Variants in KCTD5 observed in about 807,000 individuals in gnomAD.
KCTD5 encodes the protein BTB/POZ domain-containing protein KCTD5.
A neutral mutation model predicts 27.9 loss-of-function variants in KCTD5; 12 were observed. The ratio of observed to expected loss-of-function variants is 0.43; its 90% CI spans 0.28 to 0.70. KCTD5 has a LOEUF of 0.70. KCTD5 is among the 30% of genes least tolerant of loss of function. KCTD5 has a pLI of 0.19. For synonymous variants in KCTD5, 147 were observed against 121.4 expected, an observed-to-expected ratio of 1.21 and a Z score of -1.39; for missense variants, 226 against 274.8, an observed-to-expected ratio of 0.82 and a Z score of 1.26.
In KCTD5 at chr16:2,708,129, AGCTGGCGTCTGTC is replaced by A; in HGVS notation, c.*803_*815del. ...CCCCTCCCACTGCGGGCTCACGGGGAGCTGGCGTCTGTCAGTGCCTTGTCACGCCTGGCATAGA... is the reference window on the plus strand; with the variant it reads ...CCCCTCCCACTGCGGGCTCACGGGGAAGTGCCTTGTCACGCCTGGCATAGA... On this transcript the variant is annotated 3_prime_UTR_variant, in exon 6 of 6. Transcript: ENST00000301738. 2.0e-5 allele frequency: 3 copies of A among 152,438 alleles called. No individual in the cohort carries two copies. Among genetic ancestry groups the A allele is most frequent in the Non-Finnish European group, 4.4e-5 (3 of 68,064 alleles). 9.4% of individuals were successfully genotyped at this position (152,438 alleles called of 1,614,324 possible).
At chr16:2,697,228 G>A (rs1179131636) in intron 2 of KCTD5, 11 of 152,538 alleles carry the variant, frequency 7.2e-5, no homozygotes, top group Admixed American at 4.6e-4. Context: ...TTCCTCTGGG[G>A]TCCTGGAGGA....
chr16:2,690,197 T>G (rs1247545349), intron 1 of KCTD5, among the ~76,000 whole-genome samples: 1 of 152,238 alleles, frequency 6.6e-6, no homozygotes, highest in Non-Finnish European at 1.5e-5. Flanking sequence ...CCTGTGGACC[T>G]GGGGAGTGGG....
At chr16:2,689,553 A>G (rs1210119340) in intron 1 of KCTD5, among the ~76,000 whole-genome samples, 1 of 143,940 alleles carries the variant, frequency 6.9e-6, no homozygotes, top group Non-Finnish European at 1.5e-5. Flanking sequence ...TGAGAGCCGC[A>G]GGGCCGACCC....
rs191131200 is a variant in KCTD5, at chr16:2,682,983, G to T, written c.252+183G>T. ...GCCCCGATCCCCTACCCTGGGAGGG[G>T]AGGGTGAGGATGGCGCCCTGGCGTC... On this transcript the variant is annotated intron_variant, in intron 1 of 5. Transcript: ENST00000301738. 5.1e-4 allele frequency: 339 copies of T among 662,342 alleles called. 3 individuals carry two copies. The African/African-American group carries it at 5.6e-3, about 11-fold the overall frequency. The allele number at this position is 662,342 out of a possible 1,614,324, so 41.0% of individuals were successfully genotyped here.
At chr16:2,705,122 T>C (rs2067629813) in intron 5 of KCTD5, among the ~76,000 whole-genome samples, 1 of 151,984 alleles carries the variant, frequency 6.6e-6, no homozygotes, top group African/African-American at 2.4e-5. Context: ...CACTGCGCGC[T>C]GCACGCCGCC....
chr16:2,686,992 A>G (rs1008650799), intron 1 of KCTD5, among the ~76,000 whole-genome samples: 3 of 152,172 alleles, frequency 2.0e-5, no homozygotes, highest in Non-Finnish European at 4.4e-5. Flanking sequence ...TTCACGCTTC[A>G]GTTGAGGATG....
At chr16:2,703,341 G>C (rs959923547) in intron 5 of KCTD5, among the ~76,000 whole-genome samples, 73 of 152,264 alleles carry the variant, frequency 4.8e-4, no homozygotes, top group African/African-American at 1.7e-3. Context: ...GCTGGGGTCT[G>C]CGTGGGTCTG....
At chr16:2,692,361 G>C (rs1408494279) in intron 1 of KCTD5, among the ~76,000 whole-genome samples, 1 of 152,234 alleles carries the variant, frequency 6.6e-6, no homozygotes, top group East Asian at 1.9e-4. Context: ...GTGCAGAGGA[G>C]ACTGTGGGGG....
chr16:2,682,608 G>A lies in KCTD5; in HGVS notation c.60G>A (p.Leu20=), dbSNP rs1218642129. 2.0e-6 allele frequency: 3 copies of A among 1,520,036 alleles called. No individual in the cohort carries two copies. Among genetic ancestry groups the A allele is most frequent in the African/African-American group, 1.4e-5 (1 of 69,132 alleles). The allele number at this position is 1,520,036 out of a possible 1,614,324, so 94.2% of individuals were successfully genotyped here. Residue 20 remains leucine (L), a synonymous_variant, in exon 1 of 6, where the codon CTG becomes CTA. Coordinates refer to ENST00000301738, the MANE Select transcript of KCTD5 (RefSeq NM_018992.4). ...SPARGGIGAG[L]GGGLCRRCSA... ...CCCGGGGCGGCATCGGGGCGGGGCT[G>A]GGGGGCGGCCTGTGCCGCCGCTGCA...
At chr16:2,685,048 A>G (rs146608871) in intron 1 of KCTD5, among the ~76,000 whole-genome samples, 2 of 152,382 alleles carry the variant, frequency 1.3e-5, no homozygotes, top group East Asian at 3.9e-4. Flanking sequence ...CATCCATTTA[A>G]CCAGGTTTGA....
At chr16:2,682,949 C>A in intron 1 of KCTD5, 149 bp downstream of exon 1, 2 of 971,642 alleles carry the variant, frequency 2.1e-6, no homozygotes, top group Non-Finnish European at 2.8e-6. Flanking sequence ...GCCAGCTCCT[C>A]CCCAGCTTGC....
At position 2,707,514 on chromosome 16, in the gene KCTD5, C is replaced by T. The variant is rs1014727755; in HGVS notation, c.*187C>T. 12 of 714,768 alleles carry T rather than the reference C, an allele frequency of 1.7e-5. No individual in the cohort carries two copies. Among genetic ancestry groups the T allele is most frequent in the African/African-American group, 5.3e-5 (3 of 57,058 alleles). The allele number at this position is 714,768 out of a possible 1,614,324, so 44.3% of individuals were successfully genotyped here. ...ACGGGCCCAGCTGTCCAAGGCCAGA[C>T]GTCCCCAAGTTGGGGGAGCACGGCG... On this transcript the variant is annotated 3_prime_UTR_variant, in exon 6 of 6. Coordinates refer to ENST00000301738, the MANE Select transcript of KCTD5 (RefSeq NM_018992.4).
At position 2,707,958 on chromosome 16, in the gene KCTD5, T is replaced by G. The variant is rs115398997; in HGVS notation, c.*631T>G. The G allele has an allele frequency of 2.1e-3, 336 of 156,626 alleles. 1 individual carries two copies. Among genetic ancestry groups the G allele is most frequent in the African/African-American group, 7.7e-3 (320 of 41,674 alleles). 9.7% of individuals were successfully genotyped at this position (156,626 alleles called of 1,614,324 possible). On this transcript the variant is annotated 3_prime_UTR_variant, in exon 6 of 6. Coordinates refer to ENST00000301738, the MANE Select transcript of KCTD5 (RefSeq NM_018992.4). ...GCCCGGGACAGTCAAGGCTTCTCAATTTGTATTTTCCAGGCAAGAGAACTT... is the reference window on the plus strand; with the variant it reads ...GCCCGGGACAGTCAAGGCTTCTCAAGTTGTATTTTCCAGGCAAGAGAACTT...
intron 5 of KCTD5, among the ~76,000 whole-genome samples, chr16:2,703,030 C>T (rs189131543): frequency 3.3e-5 from 5 of 152,228 alleles, no homozygotes; most frequent in South Asian, 2.1e-4. Context: ...AGGCCCTTTG[C>T]GGCACCCAGC....
At chr16:2,699,707 C>G (rs997087204) in intron 3 of KCTD5, 114 bp from the exon 4 acceptor site, 2 of 873,360 alleles carry the variant, frequency 2.3e-6, no homozygotes, top group African/African-American at 3.3e-5. Context: ...GCCTCGTGCC[C>G]TGTGCTGAGA....
intron 4 of KCTD5, among the ~76,000 whole-genome samples, chr16:2,700,158 T>G (rs1273232940): frequency 1.3e-5 from 2 of 152,188 alleles, no homozygotes; most frequent in Non-Finnish European, 2.9e-5. Context: ...CTGGCCTGCC[T>G]CTTCTTCCCA....
In KCTD5 at chr16:2,702,385, G is replaced by C; in HGVS notation, c.582G>C (p.Gly194=). The change falls in exon 5 of 6, where the codon GGG becomes GGC. Residue 194 remains glycine, a synonymous_variant. Coordinates refer to ENST00000301738, the MANE Select transcript of KCTD5 (RefSeq NM_018992.4). ...GCATCGGCTCCTCTTACAACTATGG[G>C]AACGAAGACCAAGCCGAGTTCCTCT... ...LVSIGSSYNY[G]NEDQAEFLCV... 5.6e-6 allele frequency: 9 copies of C among 1,613,530 alleles called. No homozygotes were observed. The highest frequency in any genetic ancestry group is 7.6e-6 in the Non-Finnish European group (9 of 1,179,968).
rs760677116 is a variant in KCTD5, at chr16:2,682,807, G to T, written c.252+7G>T. On this transcript the variant is annotated splice_region_variant and intron_variant, in intron 1 of 5. Transcript: ENST00000301738. ...CGACCTGGACTCAGACAAGGTGAGG[G>T]CCTCACGGGCCAGCCCGGAGGGTCC... 1.9e-6 allele frequency: 3 copies of T among 1,586,262 alleles called. No individual in the cohort carries two copies. Among genetic ancestry groups the T allele is most frequent in the South Asian group, 2.3e-5 (2 of 87,784 alleles).
At chr16:2,691,788 C>G (rs1174771743) in intron 1 of KCTD5, among the ~76,000 whole-genome samples, 1 of 152,204 alleles carries the variant, frequency 6.6e-6, no homozygotes, top group African/African-American at 2.4e-5. Context: ...TCCTGGAAGT[C>G]TTCCAGAGGC....
Sources: allele counts gnomAD v4.1 joint callset (sites outside exome capture counted in the v4.1 genomes callset), GRCh38; gene constraint gnomAD v4.1.1; transcripts MANE v1.5; gene names NCBI Gene and HGNC (gene_info 2026-07-23, HGNC 2026-07-21).